DENND4C: variants seen among roughly 807,000 people sequenced by gnomAD.
The protein encoded by DENND4C is DENN domain-containing protein 4C.
Under a neutral mutation model 203.0 loss-of-function variants are expected in DENND4C, and 108 were observed. The observed-to-expected ratio is 0.53, with a 90% CI of 0.46 to 0.62. The LOEUF is 0.62. Among genes scored for constraint, DENND4C ranks in the 20% least tolerant of loss-of-function variants. The pLI is 0.00. For missense variants in DENND4C, 2,481 were observed against 2,301.2 expected, an observed-to-expected ratio of 1.08 and a Z score of -1.60; for synonymous variants, 871 against 792.4, an observed-to-expected ratio of 1.10 and a Z score of -1.67.
At chr9:19,243,407 G>A (rs1209403912) in intron 1 of DENND4C, among the ~76,000 whole-genome samples, 1 of 152,118 alleles carries the variant, frequency 6.6e-6, no homozygotes, top group Non-Finnish European at 1.5e-5. Flanking sequence ...ATGTAATTCA[G>A]TGGTGTTCGG....
At chr9:19,252,234 C>T (rs1023419469) in intron 1 of DENND4C, among the ~76,000 whole-genome samples, 1 of 152,094 alleles carries the variant, frequency 6.6e-6, no homozygotes, top group East Asian at 1.9e-4. Context: ...GGGAAACTCC[C>T]TTTTCTTTTA....
intron 30 of DENND4C, among the ~76,000 whole-genome samples, chr9:19,368,426 G>A (rs1008319803): frequency 6.6e-6 from 1 of 152,050 alleles, no homozygotes; most frequent in African/African-American, 2.4e-5. Flanking sequence ...ACTACACCCG[G>A]CCGAATTACG....
chr9:19,259,237 C>T (rs1364668675), intron 1 of DENND4C, among the ~76,000 whole-genome samples: 2 of 151,836 alleles, frequency 1.3e-5, no homozygotes, highest in African/African-American at 2.4e-5. Flanking sequence ...TCCATTCCGC[C>T]CCCGCCACCT....
Position 19,270,494 on chromosome 9 carries a change from G to A in DENND4C, c.-17-5664G>A, listed in dbSNP as rs1035735539. Among the ~76,000 whole-genome samples the A allele has an allele frequency of 1.4e-4, 22 of 152,274 alleles. 2 individuals are homozygous for A. The highest frequency in any genetic ancestry group is 4.6e-4 in the Admixed American group (7 of 15,286). On this transcript the variant is annotated intron_variant, in intron 1 of 32. Transcript: ENST00000434457. ...CATACCCAAGTTGCAAGACAAAGCA[G>A]GGTTTTTCTATTTTGTAACATAGGT... is the stretch of plus-strand genomic sequence containing the variant.
In DENND4C at chr9:19,295,975, C is replaced by A; in HGVS notation, c.802-33C>A. 2.0e-6 allele frequency: 3 copies of A among 1,507,412 alleles called. No individual in the cohort carries two copies. In the South Asian group the frequency reaches 3.6e-5, roughly 18 times the overall value. The allele number at this position is 1,507,412 out of a possible 1,614,324, so 93.4% of individuals were successfully genotyped here. A position where few individuals can be genotyped will look rare whatever the true frequency, so the allele number is the denominator to read the frequency against. On this transcript the variant is annotated intron_variant, in intron 5 of 32. Transcript: ENST00000434457. Reference sequence around the variant, plus strand: ...AGAAGTTAATTTTTTCAAACAAACTCAAATCTTATAACAGAATTCTGTTAC... The same window carrying A: ...AGAAGTTAATTTTTTCAAACAAACTAAAATCTTATAACAGAATTCTGTTAC...
At chr9:19,333,129 C>A (rs1819659665) in intron 17 of DENND4C, among the ~76,000 whole-genome samples, 1 of 151,998 alleles carries the variant, frequency 6.6e-6, no homozygotes, top group African/African-American at 2.4e-5. Flanking sequence ...ATTTTCCTGC[C>A]TCAGCCTCCT....
At chr9:19,367,658 G>C (rs1220474315) in intron 30 of DENND4C, among the ~76,000 whole-genome samples, 1 of 152,240 alleles carries the variant, frequency 6.6e-6, no homozygotes, top group Non-Finnish European at 1.5e-5. Context: ...AGAATCACTT[G>C]AACCCAGGGA....
chr9:19,359,170 A>AT (rs1407365217), intron 28 of DENND4C, among the ~76,000 whole-genome samples: 1 of 151,770 alleles, frequency 6.6e-6, no homozygotes, highest in Non-Finnish European at 1.5e-5. Context: ...AGTCCCTGTC[A>AT]TTCTCCAAGG....
chr9:19,260,300 T>C (rs1444138684), intron 1 of DENND4C, among the ~76,000 whole-genome samples: 1 of 152,190 alleles, frequency 6.6e-6, no homozygotes, highest in Non-Finnish European at 1.5e-5. Flanking sequence ...TATTCAGATA[T>C]TTTGCCTGTT....
chr9:19,277,452 C>T (rs1833102176), intron 2 of DENND4C, among the ~76,000 whole-genome samples: 1 of 151,948 alleles, frequency 6.6e-6, no homozygotes, highest in Non-Finnish European at 1.5e-5. Context: ...GTGTTGTTTT[C>T]TTAATTTTTG....
intron 28 of DENND4C, 74 bp from the exon 29 acceptor site, chr9:19,360,170 A>G (rs536662176): frequency 7.0e-6 from 10 of 1,434,648 alleles, no homozygotes; most frequent in South Asian, 6.1e-5. Flanking sequence ...GAGAGGCATT[A>G]TCTCATTGAG....
chr9:19,267,266 T>A (rs1830694082), intron 1 of DENND4C, among the ~76,000 whole-genome samples: 2 of 152,332 alleles, frequency 1.3e-5, no homozygotes, highest in South Asian at 2.1e-4. Flanking sequence ...TAATAATGTT[T>A]ACTTTATATA....
chr9:19,307,080 G>A (rs904395731), intron 10 of DENND4C, among the ~76,000 whole-genome samples: 1 of 151,974 alleles, frequency 6.6e-6, no homozygotes, highest in African/African-American at 2.4e-5. Flanking sequence ...CACTGTGCCC[G>A]GCATGCTCAA....
In DENND4C at chr9:19,316,421, G is replaced by A. The variant is rs1841861645; in HGVS notation, c.1492G>A (p.Asp498Asn). Reference protein sequence around the residue: ...DLDTNMLYVSDEKKNMNWKQL... With the variant: ...DLDTNMLYVSNEKKNMNWKQL... ...AATTTTGTTCTGATTTAATAGATCA[G>A]ATGAAAAGAAGAACATGAACTGGAA... The change falls in exon 11 of 33, where the codon GAT (aspartate) becomes AAT (asparagine). Residue 498 changes from aspartate (D) to asparagine (N), a missense_variant. Coordinates refer to ENST00000434457, the MANE Select transcript of DENND4C (RefSeq NM_001330640.2). 1.9e-6 allele frequency: 3 copies of A among 1,612,528 alleles called. No homozygotes were observed. Among genetic ancestry groups the A allele is most frequent in the South Asian group, 1.1e-5 (1 of 90,664 alleles).
chr9:19,332,580 G>A (rs557962921), intron 17 of DENND4C, among the ~76,000 whole-genome samples: 19 of 149,450 alleles, frequency 1.3e-4, no homozygotes, highest in Admixed American at 4.0e-4. Flanking sequence ...GGCCAGGCTG[G>A]TCTCAAACTC....
intron 23 of DENND4C, among the ~76,000 whole-genome samples, chr9:19,348,104 C>T (rs1823304889): frequency 6.6e-6 from 1 of 152,092 alleles, no homozygotes; most frequent in Admixed American, 6.5e-5. Flanking sequence ...CTGTTATAAG[C>T]TATATGTCTG....
At chr9:19,332,773 T>TTC (rs1819536649) in intron 17 of DENND4C, among the ~76,000 whole-genome samples, 2 of 148,948 alleles carry the variant, frequency 1.3e-5, no homozygotes, top group South Asian at 4.2e-4. Context: ...TGATTTTTTT[T>TTC]TTTTTTTTTT....
intron 1 of DENND4C, among the ~76,000 whole-genome samples, chr9:19,233,782 G>A (rs756621794): frequency 6.6e-6 from 1 of 152,054 alleles, no homozygotes; most frequent in African/African-American, 2.4e-5. Flanking sequence ...TAGTAGAGAA[G>A]GGGTTTCACT....
Position 19,305,440 on chromosome 9 carries a change from T to G in DENND4C, c.1400T>G (p.Ile467Arg). ...GTGCTTAGTGCACCTTTACCATTTA[T>G]AGTTGGAGTTGACTCAAGGTATTTT... ...AAVLSAPLPF[I>R]VGVDSRYFDL... Residue 467 changes from isoleucine (I) to arginine (R), a missense_variant, in exon 10 of 33, where the codon ATA becomes AGA. This residue lies in a region of DENND4C where 2,289 missense variants were observed against 2,113.3 expected (regional missense o/e 1.08). Transcript: ENST00000434457. 1 of 1,614,040 alleles carries G rather than the reference T, an allele frequency of 6.2e-7. No homozygotes were observed. The highest frequency in any genetic ancestry group is 8.5e-7 in the Non-Finnish European group (1 of 1,179,956).
Sources: gnomAD v4.1 joint callset for allele counts (sites outside exome capture counted in the v4.1 genomes callset) on GRCh38, gnomAD v4.1.1 for gene constraint, gnomAD v4.1.1 regional missense constraint, MANE v1.5 for transcripts, NCBI Gene and HGNC (gene_info 2026-07-23, HGNC 2026-07-21) for gene names.